DPP10: variants seen among roughly 807,000 people sequenced by gnomAD.
DPP10 encodes the protein inactive dipeptidyl peptidase 10.
DPP10 carries 33 observed loss-of-function variants against 120.9 expected under a neutral mutation model. That is an observed-to-expected ratio of 0.27 (90% CI 0.21 to 0.37). The LOEUF is 0.37. Among genes scored for constraint, DPP10 ranks in the 10% least tolerant of loss-of-function variants. The pLI, the probability that DPP10 is intolerant of heterozygous loss-of-function variation, is 1.00. For missense variants in DPP10, 816 were observed against 942.8 expected, an observed-to-expected ratio of 0.87 and a Z score of 1.76; for synonymous variants, 337 against 326.1, an observed-to-expected ratio of 1.03 and a Z score of -0.36.
intron 1 of DPP10, among the ~76,000 whole-genome samples, chr2:115,162,914 CGAG>C (rs372201733): frequency 4.6e-5 from 7 of 151,134 alleles, no homozygotes; most frequent in Admixed American, 1.3e-4. Context: ...GACACCCTGG[CGAG>C]GAGGAGGAGG....
intron 1 of DPP10, among the ~76,000 whole-genome samples, chr2:115,183,478 T>G (rs2054221209): frequency 1.3e-5 from 2 of 152,144 alleles, no homozygotes; most frequent in Non-Finnish European, 2.9e-5. Context: ...ACCTACACAT[T>G]TCTTGAGGGC....
chr2:114,663,668 T>TATATATATATAGAGAGAG, intron 1 of DPP10, among the ~76,000 whole-genome samples: 17 of 80,704 alleles, frequency 2.1e-4, no homozygotes, highest in African/African-American at 5.6e-4. Flanking sequence ...TATATATATA[T>TATATATATATAGAGAGAG]AGAGAGAGAG....
intron 1 of DPP10, among the ~76,000 whole-genome samples, chr2:114,747,204 C>G (rs1678657100): frequency 6.6e-6 from 1 of 152,150 alleles, no homozygotes; most frequent in Non-Finnish European, 1.5e-5. Context: ...TAGTCACACA[C>G]ACAGTATTAT....
intron 1 of DPP10, among the ~76,000 whole-genome samples, chr2:115,052,486 T>C (rs1339845999): frequency 2.0e-5 from 3 of 152,094 alleles, no homozygotes. Flanking sequence ...ACCGATAAGA[T>C]AAACAACACA....
intron 1 of DPP10, among the ~76,000 whole-genome samples, chr2:115,302,506 A>G (rs946040703): frequency 2.6e-5 from 4 of 152,006 alleles, no homozygotes; most frequent in African/African-American, 4.8e-5. Context: ...GGTCCCAGCT[A>G]CTTGGGAGGC....
chr2:114,740,788 G>T (rs1013616091), intron 1 of DPP10, among the ~76,000 whole-genome samples: 6 of 152,154 alleles, frequency 3.9e-5, no homozygotes, highest in Non-Finnish European at 7.3e-5. Flanking sequence ...AAGTGATTAG[G>T]TTGCTTTCCA....
intron 3 of DPP10, among the ~76,000 whole-genome samples, chr2:115,352,503 A>G (rs1221730283): frequency 6.6e-6 from 1 of 152,194 alleles, no homozygotes; most frequent in African/African-American, 2.4e-5. Context: ...ATATAGAATA[A>G]TAGATACATT....
intron 3 of DPP10, among the ~76,000 whole-genome samples, chr2:115,431,238 T>G (rs1345622060): frequency 6.6e-6 from 1 of 151,846 alleles, no homozygotes; most frequent in Non-Finnish European, 1.5e-5. Flanking sequence ...TTTTTGAGAG[T>G]CTGGAGGACA....
intron 1 of DPP10, among the ~76,000 whole-genome samples, chr2:114,976,676 CA>C (rs762875018): frequency 6.6e-6 from 1 of 151,880 alleles, no homozygotes; most frequent in East Asian, 1.9e-4. Flanking sequence ...AACTTCTCTG[CA>C]AAAAAGTATT....
chr2:115,383,853 G>T (rs1449001441), intron 3 of DPP10, among the ~76,000 whole-genome samples: 1 of 152,138 alleles, frequency 6.6e-6, no homozygotes, highest in African/African-American at 2.4e-5. Context: ...CAAAAAGTTA[G>T]TTGAGATTAT....
intron 7 of DPP10, among the ~76,000 whole-genome samples, chr2:115,704,753 T>A (rs1201156938): frequency 6.6e-6 from 1 of 151,976 alleles, no homozygotes; most frequent in African/African-American, 2.4e-5. Flanking sequence ...CATTATAATC[T>A]GGAACTGCAA....
intron 2 of DPP10, among the ~76,000 whole-genome samples, chr2:115,318,133 G>A (rs2061887139): frequency 6.6e-6 from 1 of 151,968 alleles, no homozygotes; most frequent in Admixed American, 6.6e-5. Flanking sequence ...GTGTGAGTTA[G>A]GGAGTCTAGC....
intron 1 of DPP10, among the ~76,000 whole-genome samples, chr2:114,834,999 C>A (rs1346468142): frequency 6.7e-6 from 1 of 150,000 alleles, no homozygotes; most frequent in Admixed American, 6.6e-5. Flanking sequence ...TATCTACACA[C>A]CTATGTATAT....
At chr2:115,237,330 T>C (rs1476160840) in intron 1 of DPP10, among the ~76,000 whole-genome samples, 2 of 152,166 alleles carry the variant, frequency 1.3e-5, no homozygotes, top group African/African-American at 4.8e-5. Context: ...ATGAACCATG[T>C]CAGTATAAAA....
chr2:115,182,875 A>T (rs1169605662), intron 1 of DPP10, among the ~76,000 whole-genome samples: 2 of 151,960 alleles, frequency 1.3e-5, no homozygotes, highest in African/African-American at 4.8e-5. Context: ...TTGTCATGGG[A>T]TATTGGAATG....
chr2:115,118,407 A>G (rs936456347), intron 1 of DPP10, among the ~76,000 whole-genome samples: 1 of 152,170 alleles, frequency 6.6e-6, no homozygotes, highest in African/African-American at 2.4e-5. Context: ...ATATTAGGCA[A>G]TTTTTAAAGC....
intron 1 of DPP10, among the ~76,000 whole-genome samples, chr2:114,946,215 T>C (rs1413202400): frequency 6.6e-6 from 1 of 152,218 alleles, no homozygotes; most frequent in Non-Finnish European, 1.5e-5. Flanking sequence ...TATTATTAAT[T>C]GTAGCAAATG....
At chr2:115,425,398 G>A (rs1432055404) in intron 3 of DPP10, among the ~76,000 whole-genome samples, 1 of 152,012 alleles carries the variant, frequency 6.6e-6, no homozygotes, top group Admixed American at 6.6e-5. Context: ...GTGAGGGGAG[G>A]GAAGGATCTA....
At chr2:114,744,527 G>A (rs1574087114) in intron 1 of DPP10, among the ~76,000 whole-genome samples, 3 of 152,128 alleles carry the variant, frequency 2.0e-5, no homozygotes, top group South Asian at 4.2e-4. Flanking sequence ...TTCTGAGCAG[G>A]AAGTAGAAGA....
Sources: allele counts gnomAD v4.1 joint callset (sites outside exome capture counted in the v4.1 genomes callset), GRCh38; gene constraint gnomAD v4.1.1; transcripts MANE v1.5; gene names NCBI Gene and HGNC (gene_info 2026-07-23, HGNC 2026-07-21).